Variants in MAF observed in about 807,000 individuals in gnomAD.
MAF encodes the protein MAF bZIP transcription factor, also known as transcription factor Maf.
A neutral mutation model predicts 22.0 loss-of-function variants in MAF; 10 were observed. That is an observed-to-expected ratio of 0.45 (90% CI 0.28 to 0.77). The LOEUF (loss-of-function observed/expected upper bound fraction) is 0.77, where lower values mean the gene tolerates loss of function less well. Ranked by LOEUF, MAF falls within the 30% of genes least tolerant of loss-of-function variation. The pLI is 0.12. For missense variants in MAF, 544 were observed against 548.4 expected (o/e 0.99, Z 0.08); for synonymous variants, 337 against 255.8 (o/e 1.32, Z -3.03).
chr16:79,331,753 G>A, the MAF span, among the ~76,000 whole-genome samples: 1 of 152,002 alleles, frequency 6.6e-6, no homozygotes, highest in African/African-American at 2.4e-5. Context: ...CCTCCTTTCT[G>A]CCCCCATCTC....
At chr16:79,417,403 C>T in the MAF span, among the ~76,000 whole-genome samples, 1 of 152,230 alleles carries the variant, frequency 6.6e-6, no homozygotes, top group Non-Finnish European at 1.5e-5. Context: ...TATCTATCCC[C>T]ATTCTATTTT....
the MAF span, among the ~76,000 whole-genome samples, chr16:79,348,338 T>A: frequency 6.6e-6 from 1 of 152,226 alleles, no homozygotes; most frequent in African/African-American, 2.4e-5. Flanking sequence ...GGATAGATAG[T>A]GGACAGGATA....
At chr16:79,461,641 G>C in the MAF span, among the ~76,000 whole-genome samples, 3 of 152,304 alleles carry the variant, frequency 2.0e-5, no homozygotes, top group South Asian at 6.2e-4. Flanking sequence ...AACTAGTTTT[G>C]TTAAGTAGGG....
At chr16:79,464,321 C>T in the MAF span, among the ~76,000 whole-genome samples, 1 of 152,006 alleles carries the variant, frequency 6.6e-6, no homozygotes, top group Non-Finnish European at 1.5e-5. Flanking sequence ...CTGAGAGGAC[C>T]GAGGGAGTAG....
At chr16:79,573,949 G>C in the MAF span, among the ~76,000 whole-genome samples, 1 of 152,130 alleles carries the variant, frequency 6.6e-6, no homozygotes, top group African/African-American at 2.4e-5. Flanking sequence ...TCTCCCGTTC[G>C]TTTGCCTGTT....
chr16:79,216,586 G>T, the MAF span, among the ~76,000 whole-genome samples: 1 of 152,130 alleles, frequency 6.6e-6, no homozygotes, highest in Admixed American at 6.5e-5. Flanking sequence ...AAATGCCTTT[G>T]TCCAACTCTA....
chr16:79,283,399 A>G, the MAF span, among the ~76,000 whole-genome samples: 12 of 152,228 alleles, frequency 7.9e-5, no homozygotes, highest in Admixed American at 6.5e-4. Context: ...GCTTCTTAAA[A>G]TTGGTAAAAA....
At chr16:79,404,713 C>G in the MAF span, among the ~76,000 whole-genome samples, 1 of 151,994 alleles carries the variant, frequency 6.6e-6, no homozygotes, top group Non-Finnish European at 1.5e-5. Context: ...CAGTGGATGA[C>G]AGCCATCACA....
the MAF span, among the ~76,000 whole-genome samples, chr16:79,229,890 G>C: frequency 6.6e-6 from 1 of 152,142 alleles, no homozygotes; most frequent in South Asian, 2.1e-4. Flanking sequence ...GCGGCAGCCT[G>C]TGTATTAATT....
chr16:79,226,165 G>A, the MAF span, among the ~76,000 whole-genome samples: 1 of 152,206 alleles, frequency 6.6e-6, no homozygotes, highest in Non-Finnish European at 1.5e-5. Context: ...TAAAGAAAAT[G>A]TGGCACATAT....
At chr16:79,597,151 C>T (rs1913581226) in intron 1 of MAF, 2 of 1,056,946 alleles carry the variant, frequency 1.9e-6, no homozygotes, top group Non-Finnish European at 2.3e-6. Context: ...AAACTCTACC[C>T]CCCTTAACAT....
the MAF span, among the ~76,000 whole-genome samples, chr16:79,462,421 G>A: frequency 5.9e-5 from 9 of 152,248 alleles, no homozygotes; most frequent in Admixed American, 5.2e-4. Flanking sequence ...CTACAGCAAC[G>A]AGTTTAGAAG....
chr16:79,432,305 A>G, the MAF span, among the ~76,000 whole-genome samples: 7 of 152,278 alleles, frequency 4.6e-5, no homozygotes, highest in South Asian at 1.0e-3. Flanking sequence ...CTGTGGGTCA[A>G]TGAGACCTCT....
chr16:79,383,377 G>A, the MAF span, among the ~76,000 whole-genome samples: 2 of 151,994 alleles, frequency 1.3e-5, no homozygotes, highest in Non-Finnish European at 2.9e-5. Context: ...AGGAAATAAA[G>A]GAAGAAAACC....
the MAF span, among the ~76,000 whole-genome samples, chr16:79,267,697 T>G: frequency 2.0e-5 from 3 of 152,176 alleles, no homozygotes; most frequent in Non-Finnish European, 4.4e-5. Context: ...TCCTCTTCTA[T>G]GAAATGAGAT....
chr16:79,474,502 G>A, the MAF span, among the ~76,000 whole-genome samples: 2 of 152,148 alleles, frequency 1.3e-5, no homozygotes, highest in East Asian at 3.9e-4. Flanking sequence ...TGTGGGCTCA[G>A]GTGCTTTCTG....
At chr16:79,308,767 G>T in the MAF span, among the ~76,000 whole-genome samples, 3 of 152,168 alleles carry the variant, frequency 2.0e-5, no homozygotes, top group Non-Finnish European at 4.4e-5. Context: ...GAGCTAGAAA[G>T]TTGCAGAGCT....
chr16:79,219,619 C>T, the MAF span, among the ~76,000 whole-genome samples: 1 of 150,028 alleles, frequency 6.7e-6, no homozygotes, highest in African/African-American at 2.4e-5. Flanking sequence ...CCCTTTTCAC[C>T]AATGAGCAAA....
chr16:79,325,689 ATAAATGCACTG>A, the MAF span, among the ~76,000 whole-genome samples: 1 of 152,306 alleles, frequency 6.6e-6, no homozygotes, highest in East Asian at 1.9e-4. Flanking sequence ...AAAGCAAGAT[ATAAATGCACTG>A]TTTGAGGCAG....
Sources: allele counts gnomAD v4.1 joint callset (sites outside exome capture counted in the v4.1 genomes callset), GRCh38; gene constraint gnomAD v4.1.1; transcripts MANE v1.5; gene names NCBI Gene and HGNC (gene_info 2026-07-23, HGNC 2026-07-21).